Variants in KIRREL3 observed in about 807,000 individuals in gnomAD.
KIRREL3 encodes kin of IRRE-like protein 3.
In KIRREL3, 36 loss-of-function variants were observed where a neutral mutation model predicts 89.7. The observed-to-expected ratio is 0.40, with a 90% CI of 0.31 to 0.53. KIRREL3 has a LOEUF of 0.53. KIRREL3 is among the 20% of genes least tolerant of loss of function. The pLI, the probability that KIRREL3 is intolerant of heterozygous loss-of-function variation, is 0.49. For missense variants in KIRREL3, 864 were observed against 1,056.6 expected (o/e 0.82, Z 2.53); for synonymous variants, 445 against 441.4 (o/e 1.01, Z -0.10).
intron 2 of KIRREL3, among the ~76,000 whole-genome samples, chr11:126,543,523 T>C (rs1938536785): frequency 6.6e-6 from 1 of 152,172 alleles, no homozygotes; most frequent in African/African-American, 2.4e-5. Context: ...CCTGGCTTTT[T>C]TTCCCCCAAC....
chr11:126,901,486 ATG>A (rs1946369292), intron 1 of KIRREL3, among the ~76,000 whole-genome samples: 2 of 152,300 alleles, frequency 1.3e-5, no homozygotes, highest in South Asian at 4.1e-4. Flanking sequence ...CCGGAAGAGA[ATG>A]TGAAGAGTCA....
rs1943514087 is a variant in KIRREL3 at position 126,620,031 on chromosome 11, C to G, written c.56-57119G>C. 6.6e-6 allele frequency among the ~76,000 whole-genome samples: 1 copy of G among 152,190 alleles called. No homozygotes were observed. The highest frequency in any genetic ancestry group is 2.4e-5 in the African/African-American group (1 of 41,448). Reference sequence around the variant, plus strand: ...CGGGGAGGCAGATTTAAGGTTTCCTCTCATTTGGCTGCCGTGTGATTATTA... The same window carrying G: ...CGGGGAGGCAGATTTAAGGTTTCCTGTCATTTGGCTGCCGTGTGATTATTA... On this transcript the variant is annotated intron_variant, in intron 1 of 16. Coordinates refer to ENST00000525144, the MANE Select transcript of KIRREL3 (RefSeq NM_032531.4). The surrounding 1 kb of genome is among the most constrained non-coding windows in gnomAD (Gnocchi z 4.8).
intron 1 of KIRREL3, among the ~76,000 whole-genome samples, chr11:126,857,722 C>G (rs547166280): frequency 7.0e-6 from 1 of 142,756 alleles, no homozygotes; most frequent in South Asian, 2.2e-4. Context: ...ATCACAGACC[C>G]TTCCTTGCCT....
In KIRREL3 at chr11:126,609,513, G is replaced by T. The variant is rs1215489837; in HGVS notation, c.56-46601C>A. Among the ~76,000 whole-genome samples the T allele has an allele frequency of 6.6e-6, 1 of 152,148 alleles. No individual in the cohort carries two copies. Among genetic ancestry groups the T allele is most frequent in the Non-Finnish European group, 1.5e-5 (1 of 68,020 alleles). On this transcript the variant is annotated intron_variant, in intron 1 of 16. Coordinates refer to ENST00000525144, the MANE Select transcript of KIRREL3 (RefSeq NM_032531.4). This position sits in a 1 kb window ranked among gnomAD's most constrained non-coding sequence, Gnocchi z 5.0. ...GAGAGGCTTCGTGAAAGGTTAAGTG[G>T]GTGGGGGACCTGCTGGGAGAGAGGG...
chr11:126,526,982 G>A lies in KIRREL3; in HGVS notation c.134-295C>T, dbSNP rs574275674. ...GGCCATCTCCCTCCACCTTTGGGACGTGCCACTTCCCATGCATTGGTGAGC... is the reference window on the plus strand; with the variant it reads ...GGCCATCTCCCTCCACCTTTGGGACATGCCACTTCCCATGCATTGGTGAGC... On this transcript the variant is annotated intron_variant, in intron 2 of 16. Transcript: ENST00000525144. The surrounding 1 kb of genome is among the most constrained non-coding windows in gnomAD (Gnocchi z 5.7). Among the ~76,000 whole-genome samples the A allele has an allele frequency of 7.5e-4, 114 of 152,302 alleles. 1 individual carries two copies. In the South Asian group the frequency reaches 0.021, roughly 28 times the overall value.
intron 1 of KIRREL3, among the ~76,000 whole-genome samples, chr11:126,922,524 G>A (rs966894768): frequency 2.0e-5 from 3 of 152,032 alleles, no homozygotes; most frequent in Admixed American, 6.6e-5. Context: ...TGAGAAGCAT[G>A]TAACGTTCCC....
intron 1 of KIRREL3, among the ~76,000 whole-genome samples, chr11:126,598,534 T>C (rs1268684999): frequency 2.6e-5 from 4 of 152,184 alleles, no homozygotes; most frequent in African/African-American, 9.7e-5. Flanking sequence ...GCCTGAAATG[T>C]GGGGCTGATG....
At chr11:126,619,439 G>C (rs927020997) in intron 1 of KIRREL3, among the ~76,000 whole-genome samples, 2 of 152,168 alleles carry the variant, frequency 1.3e-5, no homozygotes, top group South Asian at 4.1e-4. Context: ...GGATGCCATC[G>C]GATGGGTTTG....
At chr11:126,637,200 A>G (rs1344510850) in intron 1 of KIRREL3, among the ~76,000 whole-genome samples, 1 of 152,124 alleles carries the variant, frequency 6.6e-6, no homozygotes, top group Non-Finnish European at 1.5e-5. Context: ...GGAGGTGGAG[A>G]ATGGAACTTC....
Position 126,826,245 on chromosome 11 carries a change from T to C in KIRREL3, c.55+174210A>G, listed in dbSNP as rs540404760. Among the ~76,000 whole-genome samples, 140 of 152,278 alleles carry C rather than the reference T, an allele frequency of 9.2e-4. 2 individuals are homozygous for C. The highest frequency in any genetic ancestry group is 3.1e-3 in the African/African-American group (128 of 41,558). On this transcript the variant is annotated intron_variant, in intron 1 of 16. Transcript: ENST00000525144. ...ACAGAATTCTGCCTTGTTTTGATGATCTCTATATCCCTAACACCTAACTGT... is the reference window on the plus strand; with the variant it reads ...ACAGAATTCTGCCTTGTTTTGATGACCTCTATATCCCTAACACCTAACTGT...
At chr11:126,588,507 G>A (rs142254984) in intron 1 of KIRREL3, among the ~76,000 whole-genome samples, 545 of 152,254 alleles carry the variant, frequency 3.6e-3, no homozygotes, top group African/African-American at 0.012. Flanking sequence ...GCCTTGCTGC[G>A]GGCCCTGAGG....
intron 11 of KIRREL3, among the ~76,000 whole-genome samples, chr11:126,437,492 TACC>T (rs200298650): frequency 0.012 from 1,759 of 152,104 alleles, 41 homozygotes; most frequent in African/African-American, 0.04. Flanking sequence ...CAAGTACATG[TACC>T]ACAACACACA....
Position 126,890,727 on chromosome 11 carries a change from G to A in KIRREL3, c.55+109728C>T, listed in dbSNP as rs1945884292. ...CTGTAGACTCTACTGAAGCCACTAG[G>A]GTGAGTGAGAGAGTAGACGACTGCA... On this transcript the variant is annotated intron_variant, in intron 1 of 16. Coordinates refer to ENST00000525144, the MANE Select transcript of KIRREL3 (RefSeq NM_032531.4). This position sits in a 1 kb window ranked among gnomAD's most constrained non-coding sequence, Gnocchi z 5.1. Among the ~76,000 whole-genome samples the A allele has an allele frequency of 6.6e-6, 1 of 152,192 alleles. No individual in the cohort carries two copies. Among genetic ancestry groups the A allele is most frequent in the Admixed American group, 6.5e-5 (1 of 15,286 alleles).
rs188964904 is a variant in KIRREL3, at chr11:126,994,497, C to T, written c.55+5958G>A. Reference sequence around the variant, plus strand: ...TGTTCATAGTGGTGTTGACTGTGTACGCACTGAAACATTGTATGCTTATGG... The same window carrying T: ...TGTTCATAGTGGTGTTGACTGTGTATGCACTGAAACATTGTATGCTTATGG... On this transcript the variant is annotated intron_variant, in intron 1 of 16. Transcript: ENST00000525144. This position sits in a 1 kb window ranked among gnomAD's most constrained non-coding sequence, Gnocchi z 5.2. Among the ~76,000 whole-genome samples the T allele has an allele frequency of 5.9e-5, 9 of 152,264 alleles. No individual in the cohort carries two copies. Among genetic ancestry groups the T allele is most frequent in the East Asian group, 3.9e-4 (2 of 5,190 alleles).
intron 1 of KIRREL3, among the ~76,000 whole-genome samples, chr11:126,952,875 A>C (rs1321508704): frequency 6.6e-6 from 1 of 152,190 alleles, no homozygotes; most frequent in South Asian, 2.1e-4. Flanking sequence ...ATGCTTTTAC[A>C]CTGTTGGTGG....
At chr11:126,649,932 C>T (rs1225440988) in intron 1 of KIRREL3, among the ~76,000 whole-genome samples, 2 of 152,250 alleles carry the variant, frequency 1.3e-5, no homozygotes, top group African/African-American at 2.4e-5. Context: ...CCTGGGCATC[C>T]AGGAGTTTCC....
rs561450088 is a variant in KIRREL3, at chr11:126,754,595, A to G, written c.56-191683T>C. 2.6e-5 allele frequency among the ~76,000 whole-genome samples: 4 copies of G among 151,966 alleles called. No individual in the cohort carries two copies. Among genetic ancestry groups the G allele is most frequent in the Non-Finnish European group, 4.4e-5 (3 of 68,008 alleles). Reference sequence around the variant, plus strand: ...TGCGAAGAAAGAATAGAGATACGAGATAAATTAAAGGGATCATTTTTAAAG... The same window carrying G: ...TGCGAAGAAAGAATAGAGATACGAGGTAAATTAAAGGGATCATTTTTAAAG... On this transcript the variant is annotated intron_variant, in intron 1 of 16. Transcript: ENST00000525144. The surrounding 1 kb of genome is among the most constrained non-coding windows in gnomAD (Gnocchi z 5.1).
In KIRREL3 at chr11:126,428,300, C is replaced by G. The variant is rs914455775; in HGVS notation, c.1806+879G>C. On this transcript the variant is annotated intron_variant, in intron 15 of 16. Transcript: ENST00000525144. The surrounding 1 kb of genome is among the most constrained non-coding windows in gnomAD (Gnocchi z 6.4). ...TCCAACATGTTACGACCGAGGCAACCAGAAACTTCTAGCATGGTTGTCCAG... is the reference window on the plus strand; with the variant it reads ...TCCAACATGTTACGACCGAGGCAACGAGAAACTTCTAGCATGGTTGTCCAG... Among the ~76,000 whole-genome samples, 4 of 152,044 alleles carry G rather than the reference C, an allele frequency of 2.6e-5. No individual in the cohort carries two copies. Among genetic ancestry groups the G allele is most frequent in the Non-Finnish European group, 5.9e-5 (4 of 68,006 alleles).
At chr11:126,617,979 G>A (rs560442036) in intron 1 of KIRREL3, among the ~76,000 whole-genome samples, 1 of 152,328 alleles carries the variant, frequency 6.6e-6, no homozygotes. Flanking sequence ...CAATGTTGGA[G>A]GTGGGGCCTG....
Sources: allele counts gnomAD v4.1 joint callset (sites outside exome capture counted in the v4.1 genomes callset), GRCh38; gene constraint gnomAD v4.1.1; non-coding constraint Gnocchi (gnomAD v3.1); transcripts MANE v1.5; gene names NCBI Gene and HGNC (gene_info 2026-07-23, HGNC 2026-07-21).